MLLT6: variants seen among roughly 807,000 people sequenced by gnomAD.
The protein encoded by MLLT6 is protein AF-17.
MLLT6 carries 22 observed loss-of-function variants against 103.0 expected under a neutral mutation model. That is an observed-to-expected ratio of 0.21 (90% CI 0.15 to 0.31). The LOEUF (loss-of-function observed/expected upper bound fraction) is 0.31. Ranked by LOEUF, MLLT6 falls within the 10% of genes least tolerant of loss-of-function variation. The pLI, the probability that MLLT6 is intolerant of heterozygous loss-of-function variation, is 1.00. For missense variants in MLLT6, 1,199 were observed against 1,441.7 expected, an observed-to-expected ratio of 0.83 and a Z score of 2.73; for synonymous variants, 606 against 623.5, an observed-to-expected ratio of 0.97 and a Z score of 0.42.
intron 18 of MLLT6, among the ~76,000 whole-genome samples, chr17:38,723,902 C>T (rs887572308): frequency 4.6e-5 from 7 of 151,718 alleles, no homozygotes; most frequent in African/African-American, 1.7e-4. Flanking sequence ...GCCACCATGC[C>T]CAGCTAATTT....
Position 38,709,302 on chromosome 17 carries a change from C to T in MLLT6, c.458+26C>T. 6.3e-7 allele frequency: 1 copy of T among 1,588,446 alleles called. No homozygotes were observed. Among genetic ancestry groups the T allele is most frequent in the Non-Finnish European group, 8.6e-7 (1 of 1,156,716 alleles). On this transcript the variant is annotated intron_variant, in intron 5 of 19. Coordinates refer to ENST00000621332, the MANE Select transcript of MLLT6 (RefSeq NM_005937.4). This position sits in a 1 kb window ranked among gnomAD's most constrained non-coding sequence, Gnocchi z 4.3. The stretch of plus-strand genomic sequence containing the variant: ...GTGAGACCCCTGTCCCACCCCCCTG[C>T]CCCCCGGGTTTGTCCTGGATGGCCA...
At position 38,724,032 on chromosome 17, in the gene MLLT6, C is replaced by T. The variant is rs1011794107; in HGVS notation, c.2884-588C>T. ...TGCTGGGATTATAGGCGTGAGCCACCGTGTCCGGCGAATTGAAAACTATTG... is the reference window on the plus strand; with the variant it reads ...TGCTGGGATTATAGGCGTGAGCCACTGTGTCCGGCGAATTGAAAACTATTG... On this transcript the variant is annotated intron_variant, in intron 18 of 19. Coordinates refer to ENST00000621332, the MANE Select transcript of MLLT6 (RefSeq NM_005937.4). This position sits in a 1 kb window ranked among gnomAD's most constrained non-coding sequence, Gnocchi z 5.4. 6.6e-5 allele frequency among the ~76,000 whole-genome samples: 10 copies of T among 152,062 alleles called. No individual in the cohort carries two copies. The highest frequency in any genetic ancestry group is 2.1e-4 in the South Asian group (1 of 4,830).
rs1424918538 is a variant in MLLT6 at position 38,727,765 on chromosome 17, A to C, written c.*2167A>C. On this transcript the variant is annotated 3_prime_UTR_variant, in exon 20 of 20. Coordinates refer to ENST00000621332, the MANE Select transcript of MLLT6 (RefSeq NM_005937.4). Reference sequence around the variant, plus strand: ...AGCCAAGATTGTGCCACTGCACTCCAGCCTGTGTGAGAGAGTGAGACTCTG... The same window carrying C: ...AGCCAAGATTGTGCCACTGCACTCCCGCCTGTGTGAGAGAGTGAGACTCTG... The C allele has an allele frequency of 4.6e-6, 1 of 219,566 alleles. No homozygotes were observed. The highest frequency in any genetic ancestry group is 2.2e-5 in the African/African-American group (1 of 44,580). The allele number at this position is 219,566 out of a possible 1,614,324, so 13.6% of individuals were successfully genotyped here.
At chr17:38,711,180 C>T (rs1459034351) in intron 6 of MLLT6, among the ~76,000 whole-genome samples, 1 of 151,920 alleles carries the variant, frequency 6.6e-6, no homozygotes, top group East Asian at 1.9e-4. Flanking sequence ...GCTATAACCC[C>T]GGGGAGGGTG....
At chr17:38,707,616 G>T in intron 3 of MLLT6, 76 bp downstream of exon 3, 1 of 1,497,420 alleles carries the variant, frequency 6.7e-7, no homozygotes, top group Non-Finnish European at 9.3e-7. Context: ...GACTGAGTTG[G>T]GGTGGAGGCC....
chr17:38,725,079 C>A, intron 19 of MLLT6, 103 bp downstream of exon 19: 1 of 871,186 alleles, frequency 1.1e-6, no homozygotes, highest in Non-Finnish European at 1.7e-6. Flanking sequence ...GGGAAGGAAG[C>A]AACCCCTAGG....
Position 38,729,243 on chromosome 17 carries a change from C to T in MLLT6, c.*3645C>T, listed in dbSNP as rs944531381. The T allele has an allele frequency of 4.3e-6, 1 of 233,284 alleles. No homozygotes were observed. The highest frequency in any genetic ancestry group is 8.5e-6 in the Non-Finnish European group (1 of 118,040). 14.5% of individuals were successfully genotyped at this position (233,284 alleles called of 1,614,324 possible). ...AGGGGTAGGCAGCTTGCACCCAGTT[C>T]TCCTTTATCTCAACTTATTTTCCTG... On this transcript the variant is annotated 3_prime_UTR_variant, in exon 20 of 20. Transcript: ENST00000621332.
intron 3 of MLLT6, 75 bp downstream of exon 3, chr17:38,707,615 G>A (rs1256579576): frequency 6.7e-7 from 1 of 1,498,088 alleles, no homozygotes; most frequent in Non-Finnish European, 9.3e-7. Flanking sequence ...GGACTGAGTT[G>A]GGGTGGAGGC....
rs1280904779 is a variant in MLLT6, at chr17:38,716,647, A to C, written c.1317A>C (p.Ala439=). ...SPHVTGSGAS[A]GTHKRMPALS... ...ACGTCACGGGGTCTGGGGCCTCGGC[A>C]GGCACCCACAAACGGATGCCCGCAC... Residue 439 remains alanine, a synonymous_variant, in exon 10 of 20, where the codon GCA becomes GCC. Coordinates refer to ENST00000621332, the MANE Select transcript of MLLT6 (RefSeq NM_005937.4). This position sits in a 1 kb window ranked among gnomAD's most constrained non-coding sequence, Gnocchi z 5.6. 6.2e-7 allele frequency: 1 copy of C among 1,613,714 alleles called. No homozygotes were observed. Among genetic ancestry groups the C allele is most frequent in the African/African-American group, 1.3e-5 (1 of 75,066 alleles).
Position 38,722,699 on chromosome 17 carries a change from T to A in MLLT6, c.2814T>A (p.His938Gln). Residue 938 changes from histidine (H) to glutamine (Q), a missense_variant, in exon 18 of 20, where the codon CAT becomes CAA. Physicochemically the swap from His to Gln is conservative, Grantham distance 24. Around this residue, in one of 7 missense-constraint regions of MLLT6, gnomAD observed 1,034 missense variants for 1,091.5 expected, o/e 0.95. Transcript: ENST00000621332. ...TCAGCCTTACAGAGCAGCAGAGACA[T>A]CTCCTTCAGCAGCAAGAGCAGCAGC... is the stretch of plus-strand genomic sequence containing the variant. ...CLNSLTEQQR[H>Q]LLQQQEQQLQ... 7.7e-7 allele frequency: 1 copy of A among 1,301,860 alleles called. No individual in the cohort carries two copies. Among genetic ancestry groups the A allele is most frequent in the Non-Finnish European group, 1.0e-6 (1 of 983,014 alleles). The allele number at this position is 1,301,860 out of a possible 1,614,324, so 80.6% of individuals were successfully genotyped here.
chr17:38,715,605 C>A lies in MLLT6; in HGVS notation c.820-7C>A. 6.2e-7 allele frequency: 1 copy of A among 1,608,384 alleles called. No homozygotes were observed. Among genetic ancestry groups the A allele is most frequent in the South Asian group, 1.1e-5 (1 of 90,290 alleles). ...GGTGTTGAACCTTCCTCTCTCCTCT[C>A]CTTCAGGTCTCCTCCTCGGCTTCCT... On this transcript the variant is annotated splice_region_variant and splice_polypyrimidine_tract_variant and intron_variant, in intron 8 of 19. Transcript: ENST00000621332.
chr17:38,712,616 C>G (rs1234853959), intron 7 of MLLT6, 75 bp from the exon 8 acceptor site: 2 of 962,582 alleles, frequency 2.1e-6, no homozygotes, highest in Non-Finnish European at 3.4e-6. Flanking sequence ...TGTCAGCTCC[C>G]CATACCCACA....
Position 38,706,939 on chromosome 17 carries a change from C to A in MLLT6, c.110-11C>A. ...ACAGCTTTGCTCAGCGACTGTCCTC[C>A]CCACCCTCAGCTTGCTATGGCATCG... On this transcript the variant is annotated splice_polypyrimidine_tract_variant and intron_variant, in intron 1 of 19. Coordinates refer to ENST00000621332, the MANE Select transcript of MLLT6 (RefSeq NM_005937.4). 6.2e-7 allele frequency: 1 copy of A among 1,603,346 alleles called. No homozygotes were observed.
intron 18 of MLLT6, among the ~76,000 whole-genome samples, chr17:38,722,986 G>C (rs1481275572): frequency 6.6e-6 from 1 of 152,100 alleles, no homozygotes; most frequent in African/African-American, 2.4e-5. Context: ...AGAAAGGGCT[G>C]CTGTAATAGC....
At position 38,722,091 on chromosome 17, in the gene MLLT6, G is replaced by C. The variant is rs1262174131; in HGVS notation, c.2656G>C (p.Gly886Arg). The change falls in exon 17 of 20, where the codon GGG becomes CGG. Residue 886 changes from glycine (G) to arginine (R), a missense_variant. Physicochemically the swap from Gly to Arg is moderately radical, Grantham distance 125. This residue lies in a region of MLLT6 where 1,034 missense variants were observed against 1,091.5 expected (regional missense o/e 0.95). Coordinates refer to ENST00000621332, the MANE Select transcript of MLLT6 (RefSeq NM_005937.4). ...GAMPMAEGLL[G>R]GLAGSGGLPL... ...CATGCCCATGGCTGAGGGGCTGTTG[G>C]GGGGGCTGGCAGGCAGTGGGGGCCT... The C allele has an allele frequency of 5.8e-6, 8 of 1,374,206 alleles. No homozygotes were observed. Among genetic ancestry groups the C allele is most frequent in the Non-Finnish European group, 7.5e-6 (8 of 1,068,510 alleles). The allele number at this position is 1,374,206 out of a possible 1,614,324, so 85.1% of individuals were successfully genotyped here.
intron 2 of MLLT6, 98 bp from the exon 3 acceptor site, chr17:38,707,388 C>G: frequency 3.4e-6 from 4 of 1,184,290 alleles, no homozygotes; most frequent in Non-Finnish European, 5.0e-6. Flanking sequence ...ATCCATCCAC[C>G]CTAGAGCTTA....
At position 38,721,916 on chromosome 17, in the gene MLLT6, G is replaced by A. The variant is rs1283984287; in HGVS notation, c.2481G>A (p.Ser827=). Residue 827 remains serine (S), a synonymous_variant, in exon 17 of 20, where the codon TCG becomes TCA. Coordinates refer to ENST00000621332, the MANE Select transcript of MLLT6 (RefSeq NM_005937.4). Reference sequence around the variant, plus strand: ...GCTGCCCGAGCCGCAGCAGCTCGTCGCTGTCCTTCCACAGCACGCCCCCAC... The same window carrying A: ...GCTGCCCGAGCCGCAGCAGCTCGTCACTGTCCTTCCACAGCACGCCCCCAC... The part of the protein sequence containing the change: ...HSGCPSRSSS[S]LSFHSTPPPL... 7 of 1,572,282 alleles carry A rather than the reference G, an allele frequency of 4.5e-6. No individual in the cohort carries two copies. The highest frequency in any genetic ancestry group is 1.7e-5 in the Admixed American group (1 of 57,182).
chr17:38,721,845 C>A, intron 16 of MLLT6, 33 bp from the exon 17 acceptor site: 1 of 1,475,166 alleles, frequency 6.8e-7, no homozygotes, highest in Non-Finnish European at 9.1e-7. Flanking sequence ...TCATGCTGGC[C>A]CTCTGACCCC....
intron 8 of MLLT6, chr17:38,714,260 T>C (rs1905239451): frequency 6.6e-6 from 1 of 152,254 alleles, no homozygotes; most frequent in Non-Finnish European, 1.5e-5. Flanking sequence ...GCAGTCTGGC[T>C]TGAAGGCTTG....
Sources: allele counts gnomAD v4.1 joint callset (sites outside exome capture counted in the v4.1 genomes callset), GRCh38; gene constraint gnomAD v4.1.1; regional missense constraint gnomAD v4.1.1; non-coding constraint Gnocchi (gnomAD v3.1); transcripts MANE v1.5; gene names NCBI Gene and HGNC (gene_info 2026-07-23, HGNC 2026-07-21).